STK32B: variants seen among roughly 807,000 people sequenced by gnomAD.
STK32B encodes serine/threonine-protein kinase 32B.
STK32B carries 43 observed loss-of-function variants against 52.6 expected under a neutral mutation model. The ratio of observed to expected loss-of-function variants is 0.82; its 90% CI spans 0.64 to 1.05. The LOEUF (loss-of-function observed/expected upper bound fraction) is 1.05, where lower values mean the gene tolerates loss of function less well. Ranked by LOEUF, STK32B falls within the 50% of genes least tolerant of loss-of-function variation. The pLI is 0.00. For missense variants in STK32B, 621 were observed against 534.6 expected (o/e 1.16, Z -1.59); for synonymous variants, 238 against 204.3 (o/e 1.17, Z -1.41).
intron 3 of STK32B, among the ~76,000 whole-genome samples, chr4:5,253,539 C>A (rs1011905989): frequency 6.6e-6 from 1 of 151,972 alleles, no homozygotes; most frequent in Admixed American, 6.6e-5. Context: ...TACTGCCCAG[C>A]CAAGTTTTGT....
At chr4:5,283,847 T>C (rs1228242451) in intron 3 of STK32B, among the ~76,000 whole-genome samples, 2 of 152,146 alleles carry the variant, frequency 1.3e-5, no homozygotes, top group African/African-American at 2.4e-5. Context: ...TGTTTGTTTG[T>C]TTGTTTTTTA....
chr4:5,481,683 G>A (rs1004986556), intron 11 of STK32B, among the ~76,000 whole-genome samples: 3 of 152,142 alleles, frequency 2.0e-5, no homozygotes, highest in Non-Finnish European at 4.4e-5. Context: ...GAATGGTATT[G>A]CCTAGTTTTT....
intron 3 of STK32B, among the ~76,000 whole-genome samples, chr4:5,193,388 C>T (rs2108767055): frequency 6.6e-6 from 1 of 152,342 alleles, no homozygotes; most frequent in East Asian, 1.9e-4. Context: ...CACTGAGGCC[C>T]AGAAAGGTGG....
chr4:5,330,369 A>G (rs1732151463), intron 3 of STK32B, among the ~76,000 whole-genome samples: 1 of 152,228 alleles, frequency 6.6e-6, no homozygotes, highest in South Asian at 2.1e-4. Flanking sequence ...TTGGCTCTTC[A>G]GTCCTTAGAA....
the STK32B span, among the ~76,000 whole-genome samples, chr4:5,040,027 C>T: frequency 0.033 from 5,015 of 152,260 alleles, 127 homozygotes; most frequent in African/African-American, 0.066. Flanking sequence ...CCTGGAGTGC[C>T]GTCCTCCCCA....
chr4:5,067,938 C>A (rs1391982335), intron 1 of STK32B, among the ~76,000 whole-genome samples: 1 of 152,108 alleles, frequency 6.6e-6, no homozygotes, highest in Non-Finnish European at 1.5e-5. Context: ...ATCATATGAA[C>A]AGCACCAAAG....
chr4:5,021,568 G>A, the STK32B span, among the ~76,000 whole-genome samples: 1 of 152,200 alleles, frequency 6.6e-6, no homozygotes. Flanking sequence ...TAAATTCAGA[G>A]CAGGGAAGAA....
chr4:5,436,491 T>C (rs935370646), intron 6 of STK32B: 1 of 587,932 alleles, frequency 1.7e-6, no homozygotes, highest in African/African-American at 2.0e-5. Context: ...AATACCATCA[T>C]CTGTGGCATG....
intron 3 of STK32B, among the ~76,000 whole-genome samples, chr4:5,232,743 G>C (rs1158219675): frequency 6.6e-6 from 1 of 152,152 alleles, no homozygotes; most frequent in Non-Finnish European, 1.5e-5. Flanking sequence ...GGATGGTCTG[G>C]GTGCTGGACA....
At chr4:5,447,982 T>A (rs562594232) in intron 7 of STK32B, among the ~76,000 whole-genome samples, 4 of 152,360 alleles carry the variant, frequency 2.6e-5, no homozygotes, top group African/African-American at 9.6e-5. Context: ...GGTGCCTTCC[T>A]TGAGGGCATG....
intron 3 of STK32B, among the ~76,000 whole-genome samples, chr4:5,177,399 C>G (rs972404023): frequency 1.3e-5 from 2 of 152,144 alleles, no homozygotes; most frequent in African/African-American, 2.4e-5. Flanking sequence ...CACTAGGTCC[C>G]TCCCATGACA....
In STK32B at chr4:5,378,121, A is replaced by G. The variant is rs888402652; in HGVS notation, c.435-20086A>G. ...TCTTCCTGACATAATTAGGAAAATT[A>G]AAAAGAACTGAAAAAGGAGTAACTG... On this transcript the variant is annotated intron_variant, in intron 4 of 11. Transcript: ENST00000282908. This position sits in a 1 kb window ranked among gnomAD's most constrained non-coding sequence, Gnocchi z 4.4. 7.9e-5 allele frequency among the ~76,000 whole-genome samples: 12 copies of G among 152,240 alleles called. No individual in the cohort carries two copies. Among genetic ancestry groups the G allele is most frequent in the African/African-American group, 2.9e-4 (12 of 41,454 alleles).
At chr4:5,412,739 G>C (rs1000145980) in intron 5 of STK32B, among the ~76,000 whole-genome samples, 1 of 152,148 alleles carries the variant, frequency 6.6e-6, no homozygotes, top group African/African-American at 2.4e-5. Context: ...TTCTGCACCA[G>C]TTATTAACCC....
At chr4:5,176,824 C>A (rs1412173347) in intron 3 of STK32B, among the ~76,000 whole-genome samples, 5 of 152,124 alleles carry the variant, frequency 3.3e-5, no homozygotes, top group African/African-American at 1.2e-4. Context: ...GGTTACATGA[C>A]AGGGCTGGGT....
intron 3 of STK32B, among the ~76,000 whole-genome samples, chr4:5,179,600 T>C (rs996094815): frequency 6.6e-6 from 1 of 152,038 alleles, no homozygotes; most frequent in African/African-American, 2.4e-5. Context: ...GATAGATAAA[T>C]AGATGATTGA....
At chr4:5,361,783 G>A (rs925994887) in intron 4 of STK32B, among the ~76,000 whole-genome samples, 2 of 152,212 alleles carry the variant, frequency 1.3e-5, no homozygotes, top group Admixed American at 1.3e-4. Flanking sequence ...CCATGGGAAA[G>A]CAATGGTGTA....
chr4:5,240,817 C>T (rs2108816900), intron 3 of STK32B, among the ~76,000 whole-genome samples: 1 of 152,226 alleles, frequency 6.6e-6, no homozygotes, highest in Admixed American at 6.5e-5. Context: ...TTGTGTTTTT[C>T]TTCCCTGATC....
chr4:5,300,942 T>C (rs1366792015), intron 3 of STK32B, among the ~76,000 whole-genome samples: 2 of 151,768 alleles, frequency 1.3e-5, no homozygotes, highest in Non-Finnish European at 1.5e-5. Flanking sequence ...TTCACAAAAT[T>C]AGGGGGACAC....
intron 5 of STK32B, among the ~76,000 whole-genome samples, chr4:5,407,869 G>GT (rs1238148767): frequency 3.9e-5 from 6 of 152,112 alleles, no homozygotes; most frequent in Non-Finnish European, 8.8e-5. Flanking sequence ...GACGTAAACC[G>GT]TATCAGAGGC....
Sources: gnomAD v4.1 joint callset for allele counts (sites outside exome capture counted in the v4.1 genomes callset) on GRCh38, gnomAD v4.1.1 for gene constraint, Gnocchi (gnomAD v3.1) non-coding constraint, MANE v1.5 for transcripts, NCBI Gene and HGNC (gene_info 2026-07-23, HGNC 2026-07-21) for gene names.